The following MYL4 variants were observed in gnomAD, a reference collection of about 807,000 sequenced individuals.
The protein encoded by MYL4 is myosin light chain 4.
In MYL4, 16 loss-of-function variants were observed where a neutral mutation model predicts 21.6. The observed-to-expected ratio is 0.74, with a 90% CI of 0.50 to 1.12. The LOEUF is 1.12. MYL4 is among the 50% of genes most tolerant of loss of function. The pLI is 0.00. For synonymous variants in MYL4, 82 were observed against 95.7 expected (o/e 0.86, Z 0.83); for missense variants, 249 against 252.9 (o/e 0.98, Z 0.11).
At chr17:47,218,059 A>C (rs2064828530) in intron 2 of MYL4, among the ~76,000 whole-genome samples, 1 of 151,448 alleles carries the variant, frequency 6.6e-6, no homozygotes, top group African/African-American at 2.4e-5. Flanking sequence ...AAAAAAAAAC[A>C]AAAAACTAAC....
chr17:47,213,781 C>T lies in MYL4; in HGVS notation c.136-18C>T. ...CTTTTAGCAATCCAAGCCCTCACTA[C>T]TATTTCCCTCCCTACAGATAGACTT... On this transcript the variant is annotated intron_variant, in intron 1 of 6. Transcript: ENST00000393450. The T allele has an allele frequency of 6.2e-7, 1 of 1,613,994 alleles. No homozygotes were observed.
chr17:47,207,374 A>G (rs1235388922), upstream of MYL4, among the ~76,000 whole-genome samples: 1 of 152,202 alleles, frequency 6.6e-6, no homozygotes, highest in African/African-American at 2.4e-5. Flanking sequence ...GTCTTGAGGC[A>G]ACTTCAACGT....
chr17:47,215,928 CTACAG>C (rs1249532818), intron 2 of MYL4, among the ~76,000 whole-genome samples: 1 of 152,032 alleles, frequency 6.6e-6, no homozygotes, highest in Admixed American at 6.6e-5. Context: ...GTAGCTTGTA[CTACAG>C]GCATGTACCA....
At chr17:47,214,732 A>G (rs1011315681) in intron 2 of MYL4, among the ~76,000 whole-genome samples, 2 of 152,246 alleles carry the variant, frequency 1.3e-5, no homozygotes, top group Non-Finnish European at 2.9e-5. Flanking sequence ...TCAGAAAAAT[A>G]TATAATGATA....
In MYL4 at chr17:47,222,449, A is replaced by T; in HGVS notation, c.557A>T (p.Asn186Ile). ...CAAGAGGATGCCAATGGCTGCATCA[A>T]TTATGAAGGTATTAAGCCGCGCCTT... is the stretch of plus-strand genomic sequence containing the variant. ...AGQEDANGCI[N>I]YEAFVKHIMS... The change falls in exon 5 of 7, where the codon AAT becomes ATT. Residue 186 changes from asparagine to isoleucine, a missense_variant. Coordinates refer to ENST00000393450, the MANE Select transcript of MYL4 (RefSeq NM_002476.2). The T allele has an allele frequency of 6.2e-7, 1 of 1,614,122 alleles. No homozygotes were observed. The highest frequency in any genetic ancestry group is 8.5e-7 in the Non-Finnish European group (1 of 1,179,998).
chr17:47,219,119 C>T (rs1006590789), intron 2 of MYL4, among the ~76,000 whole-genome samples: 5 of 152,238 alleles, frequency 3.3e-5, no homozygotes, highest in African/African-American at 9.6e-5. Flanking sequence ...AGGCTGTATG[C>T]GAGTCCATGG....
Position 47,209,444 on chromosome 17 carries a change from C to T in MYL4, c.22C>T (p.Pro8Ser). 2 of 1,614,178 alleles carry T rather than the reference C, an allele frequency of 1.2e-6. No individual in the cohort carries two copies. Among genetic ancestry groups the T allele is most frequent in the Non-Finnish European group, 8.5e-7 (1 of 1,180,036 alleles). Reference sequence around the variant, plus strand: ...CAACATGGCTCCCAAGAAGCCTGAGCCTAAGAAGGAGGCAGCCAAGCCAGC... The same window carrying T: ...CAACATGGCTCCCAAGAAGCCTGAGTCTAAGAAGGAGGCAGCCAAGCCAGC... MAPKKPE[P>S]KKEAAKPAPA... Residue 8 changes from proline (P) to serine (S), a missense_variant, in exon 1 of 7, where the codon CCT (proline) becomes TCT (serine). Transcript: ENST00000393450.
chr17:47,210,403 G>A (rs1187940528), intron 1 of MYL4, among the ~76,000 whole-genome samples: 1 of 152,162 alleles, frequency 6.6e-6, no homozygotes, highest in Non-Finnish European at 1.5e-5. Flanking sequence ...GGCTGAAGAG[G>A]GAGGGGGCCA....
chr17:47,214,911 T>G (rs549496210), intron 2 of MYL4, among the ~76,000 whole-genome samples: 1 of 152,354 alleles, frequency 6.6e-6, no homozygotes, highest in East Asian at 1.9e-4. Flanking sequence ...TAAACAATTA[T>G]ATAGACTCTC....
chr17:47,222,355 G>C, intron 4 of MYL4, 25 bp from the exon 5 acceptor site: 1 of 1,611,202 alleles, frequency 6.2e-7, no homozygotes, highest in Non-Finnish European at 8.5e-7. Flanking sequence ...AATTAAGAGC[G>C]CACCACCTCC....
chr17:47,201,918 A>C (rs73316024), intron 1 of MYL4, among the ~76,000 whole-genome samples: 2,461 of 152,252 alleles, frequency 0.016, 54 homozygotes, highest in African/African-American at 0.056. Flanking sequence ...AATTTTAATA[A>C]TATTTAGCTC....
Position 47,202,602 on chromosome 17 carries a change from C to T in MYL4, c.-35+2016C>T, listed in dbSNP as rs191437064. On this transcript the variant is annotated intron_variant and NMD_transcript_variant, in intron 1 of 6. Coordinates refer to the MYL4 transcript ENST00000571981. ...AAGCAAAAACATATCAGTTTTAAAACTACATCTGTCCAAATTAAGTAAATT... is the reference window on the plus strand; with the variant it reads ...AAGCAAAAACATATCAGTTTTAAAATTACATCTGTCCAAATTAAGTAAATT... Among the ~76,000 whole-genome samples the T allele has an allele frequency of 2.8e-3, 426 of 152,280 alleles. 1 individual carries two copies. Among genetic ancestry groups the T allele is most frequent in the Middle Eastern group, 6.8e-3 (2 of 294 alleles).
upstream of MYL4, among the ~76,000 whole-genome samples, chr17:47,197,590 T>TTTTTTTTTTTTG (rs2064694225): frequency 6.6e-6 from 1 of 152,210 alleles, no homozygotes; most frequent in Admixed American, 6.5e-5. Flanking sequence ...TATGATGGTG[T>TTTTTTTTTTTTG]AGAAGCAATG....
chr17:47,210,637 G>A (rs2064766995), intron 1 of MYL4, among the ~76,000 whole-genome samples: 1 of 152,112 alleles, frequency 6.6e-6, no homozygotes, highest in Non-Finnish European at 1.5e-5. Flanking sequence ...AGCTCTAATT[G>A]TATGACCTCC....
rs748072025 is a variant in MYL4 at position 47,219,975 on chromosome 17, G to T, written c.235G>T (p.Gly79Trp). 6.2e-7 allele frequency: 1 copy of T among 1,614,196 alleles called. No individual in the cohort carries two copies. The highest frequency in any genetic ancestry group is 8.5e-7 in the Non-Finnish European group (1 of 1,180,020). ...GEMKITYGQC[G>W]DVLRALGQNP... ...GATGAAGATCACCTACGGCCAGTGC[G>T]GGGATGTACTGCGGGCCCTGGGCCA... Residue 79 changes from glycine to tryptophan, a missense_variant, in exon 3 of 7, where the codon GGG becomes TGG. By Grantham distance (184) the Gly-to-Trp change is radical (BLOSUM62 -2). Coordinates refer to ENST00000393450, the MANE Select transcript of MYL4 (RefSeq NM_002476.2).
chr17:47,206,517 G>T (rs1171584219), upstream of MYL4, among the ~76,000 whole-genome samples: 2 of 152,032 alleles, frequency 1.3e-5, no homozygotes, highest in Non-Finnish European at 2.9e-5. Flanking sequence ...TTTAAGCCAT[G>T]GAACCATTAG....
chr17:47,209,730 G>C, intron 1 of MYL4, 173 bp downstream of exon 1: 1 of 919,336 alleles, frequency 1.1e-6, no homozygotes. Flanking sequence ...TGATGAGGGG[G>C]AGATTGAGTC....
At chr17:47,204,382 C>T (rs777852700), upstream of MYL4, among the ~76,000 whole-genome samples, 4 of 152,276 alleles carry the variant, frequency 2.6e-5, no homozygotes, top group South Asian at 4.1e-4. Flanking sequence ...AACTCTTCTG[C>T]GGGTGATCTT....
chr17:47,199,893 A>G (rs2064703567), upstream of MYL4, among the ~76,000 whole-genome samples: 2 of 150,608 alleles, frequency 1.3e-5, no homozygotes, highest in South Asian at 4.2e-4. Flanking sequence ...GTGCCACCAT[A>G]CCTGGCTAAT....
Sources: allele counts gnomAD v4.1 joint callset (sites outside exome capture counted in the v4.1 genomes callset), GRCh38; gene constraint gnomAD v4.1.1; transcripts MANE v1.5; gene names NCBI Gene and HGNC (gene_info 2026-07-23, HGNC 2026-07-21).